Variants in TNFRSF21 observed in about 807,000 individuals in gnomAD.
TNFRSF21 encodes TNF receptor superfamily member 21.
Under a neutral mutation model 45.6 loss-of-function variants are expected in TNFRSF21, and 19 were observed. The ratio of observed to expected loss-of-function variants is 0.42; its 90% CI spans 0.29 to 0.61. The LOEUF is 0.61. TNFRSF21 is among the 20% of genes least tolerant of loss of function. The probability of loss-of-function intolerance (pLI) is 0.23; values close to 1 mark genes in which losing one functional copy is unlikely to be tolerated. For missense variants in TNFRSF21, 737 were observed against 851.5 expected (o/e 0.87, Z 1.67); for synonymous variants, 314 against 335.5 (o/e 0.94, Z 0.70).
intron 4 of TNFRSF21, among the ~76,000 whole-genome samples, chr6:47,252,874 C>T (rs554715469): frequency 6.6e-6 from 1 of 152,236 alleles, no homozygotes; most frequent in Non-Finnish European, 1.5e-5. Flanking sequence ...GGAGGAGAGG[C>T]GGTGTAGTAA....
At chr6:47,268,277 A>G (rs574742684) in intron 3 of TNFRSF21, among the ~76,000 whole-genome samples, 7 of 152,350 alleles carry the variant, frequency 4.6e-5, no homozygotes, top group Admixed American at 1.3e-4. Context: ...GAAAATATAC[A>G]TAAATTCCAT....
chr6:47,239,296 A>C (rs1267965157), intron 4 of TNFRSF21, among the ~76,000 whole-genome samples: 1 of 150,598 alleles, frequency 6.6e-6, no homozygotes, highest in African/African-American at 2.4e-5. Flanking sequence ...AAAAAAAAAA[A>C]AAAAAAAAAA....
At chr6:47,252,799 C>T (rs746149636) in intron 4 of TNFRSF21, among the ~76,000 whole-genome samples, 4 of 152,216 alleles carry the variant, frequency 2.6e-5, no homozygotes, top group Non-Finnish European at 5.9e-5. Context: ...CTGCCGCTAG[C>T]ACCACCTGCA....
In TNFRSF21 at chr6:47,236,912, T is replaced by A. The variant is rs140792088; in HGVS notation, c.1510-2014A>T. Among the ~76,000 whole-genome samples, 11 of 152,292 alleles carry A rather than the reference T, an allele frequency of 7.2e-5. No individual in the cohort carries two copies. In the East Asian group the frequency reaches 1.9e-3, roughly 27 times the overall value. On this transcript the variant is annotated intron_variant, in intron 4 of 5. Transcript: ENST00000296861. ...AGGAAATTTCCACCCACAAATCACA[T>A]GCCAATGAGCAAAAAGTCCACTCAC... is the stretch of plus-strand genomic sequence containing the variant.
intron 1 of TNFRSF21, among the ~76,000 whole-genome samples, chr6:47,289,765 G>A (rs1428088875): frequency 6.6e-6 from 1 of 152,146 alleles, no homozygotes; most frequent in Non-Finnish European, 1.5e-5. Context: ...AGGCCAAGGT[G>A]GGCAGGTCAT....
intron 1 of TNFRSF21, 107 bp downstream of exon 1, chr6:47,309,309 G>C: frequency 2.1e-6 from 3 of 1,412,262 alleles, no homozygotes; most frequent in South Asian, 1.5e-5. Flanking sequence ...CCAGTCGGCC[G>C]GGCCCCGCGC....
intron 5 of TNFRSF21, 83 bp downstream of exon 5, chr6:47,234,586 TG>T: frequency 1.8e-6 from 2 of 1,109,594 alleles, no homozygotes; most frequent in South Asian, 1.4e-5. Context: ...CAGCTACAAC[TG>T]GACTGTGGAC....
chr6:47,272,416 C>T (rs1347453032), intron 3 of TNFRSF21, among the ~76,000 whole-genome samples: 2 of 152,172 alleles, frequency 1.3e-5, no homozygotes, highest in Non-Finnish European at 2.9e-5. Context: ...TGAATGACTA[C>T]TGGGTAAATA....
intron 1 of TNFRSF21, among the ~76,000 whole-genome samples, chr6:47,293,936 G>T (rs1249444655): frequency 1.3e-5 from 2 of 152,146 alleles, no homozygotes; most frequent in African/African-American, 4.8e-5. Flanking sequence ...GTCTTCCCCT[G>T]TGGATCACAA....
rs201088074 is a variant in TNFRSF21 at position 47,287,325 on chromosome 6, A to G, written c.97-730T>C. Among the ~76,000 whole-genome samples, 37 of 150,270 alleles carry G rather than the reference A, an allele frequency of 2.5e-4. 1 individual carries two copies. Among genetic ancestry groups the G allele is most frequent in the Admixed American group, 2.2e-3 (33 of 15,026 alleles). On this transcript the variant is annotated intron_variant, in intron 1 of 5. Transcript: ENST00000296861. ...TCTTTCTCAAAAAAAAAAAAAAAAA[A>G]AAAAAAAAAGAAAAGAAAAATTGTA...
chr6:47,251,421 A>G (rs903563114), intron 4 of TNFRSF21, among the ~76,000 whole-genome samples: 1 of 152,244 alleles, frequency 6.6e-6, no homozygotes, highest in African/African-American at 2.4e-5. Context: ...GGGGAAGGAA[A>G]TAATTAAGGT....
intron 3 of TNFRSF21, among the ~76,000 whole-genome samples, chr6:47,270,374 T>C (rs1209632700): frequency 6.6e-6 from 1 of 152,158 alleles, no homozygotes; most frequent in African/African-American, 2.4e-5. Flanking sequence ...GCGAACAAGG[T>C]CTGGAGTGGA....
Position 47,255,829 on chromosome 6 carries a change from A to G in TNFRSF21, c.1244-2308T>C, listed in dbSNP as rs190763937. Reference sequence around the variant, plus strand: ...TAACATAGCTGTTATAGTTAACAATATCTTAAAAAATATTTACTACTCAAT... The same window carrying G: ...TAACATAGCTGTTATAGTTAACAATGTCTTAAAAAATATTTACTACTCAAT... On this transcript the variant is annotated intron_variant, in intron 3 of 5. Transcript: ENST00000296861. 4.6e-5 allele frequency among the ~76,000 whole-genome samples: 7 copies of G among 152,240 alleles called. No homozygotes were observed. The East Asian group carries it at 1.2e-3, about 25-fold the overall frequency.
At chr6:47,261,095 C>T (rs1352276486) in intron 3 of TNFRSF21, among the ~76,000 whole-genome samples, 3 of 151,718 alleles carry the variant, frequency 2.0e-5, no homozygotes, top group East Asian at 1.9e-4. Flanking sequence ...CTTCTAACAC[C>T]CCCCCAAACC....
At chr6:47,302,279 A>G (rs1038606979) in intron 1 of TNFRSF21, among the ~76,000 whole-genome samples, 3 of 152,198 alleles carry the variant, frequency 2.0e-5, no homozygotes, top group Admixed American at 1.3e-4. Context: ...AAAGTGAAAA[A>G]AGGAAATACT....
At chr6:47,245,440 G>T (rs989972909) in intron 4 of TNFRSF21, among the ~76,000 whole-genome samples, 1 of 145,234 alleles carries the variant, frequency 6.9e-6, no homozygotes, top group Non-Finnish European at 1.5e-5. Flanking sequence ...GTGTGTGTGT[G>T]TGTGTGTGTG....
At chr6:47,234,102 T>C (rs1764625241) in intron 5 of TNFRSF21, among the ~76,000 whole-genome samples, 1 of 152,140 alleles carries the variant, frequency 6.6e-6, no homozygotes, top group Admixed American at 6.6e-5. Context: ...AGTGATTCTT[T>C]TGCCTCAGCC....
chr6:47,301,108 C>A (rs1762859956), intron 1 of TNFRSF21, among the ~76,000 whole-genome samples: 1 of 152,188 alleles, frequency 6.6e-6, no homozygotes, highest in Non-Finnish European at 1.5e-5. Context: ...ATTGTTCTTT[C>A]TTAATAACTC....
chr6:47,261,376 C>G (rs1765071312), intron 3 of TNFRSF21, among the ~76,000 whole-genome samples: 1 of 152,212 alleles, frequency 6.6e-6, no homozygotes, highest in Non-Finnish European at 1.5e-5. Context: ...AGGAATACCA[C>G]AAATATCTTT....
Sources: allele counts gnomAD v4.1 joint callset (sites outside exome capture counted in the v4.1 genomes callset), GRCh38; gene constraint gnomAD v4.1.1; transcripts MANE v1.5; gene names NCBI Gene and HGNC (gene_info 2026-07-23, HGNC 2026-07-21).